ITFG2: variants seen among roughly 807,000 people sequenced by gnomAD.
ITFG2 encodes KICSTOR complex protein ITFG2.
A neutral mutation model predicts 54.4 loss-of-function variants in ITFG2; 36 were observed. The observed-to-expected ratio is 0.66, with a 90% CI of 0.51 to 0.87. ITFG2 has a LOEUF of 0.87. Among genes scored for constraint, ITFG2 ranks in the 40% least tolerant of loss-of-function variants. The pLI, the probability that ITFG2 is intolerant of heterozygous loss-of-function variation, is 0.00. For synonymous variants in ITFG2, 211 were observed against 225.4 expected, an observed-to-expected ratio of 0.94 and a Z score of 0.57; for missense variants, 524 against 576.7, an observed-to-expected ratio of 0.91 and a Z score of 0.94.
chr12:2,855,402 A>G, intron 2 of ITFG2: 1 of 410,754 alleles, frequency 2.4e-6, no homozygotes, highest in South Asian at 1.7e-5. Context: ...ACTCACGCTG[A>G]GCCCACGTTT....
intron 1 of ITFG2, among the ~76,000 whole-genome samples, chr12:2,814,541 A>G (rs147464844): frequency 2.2e-4 from 33 of 152,320 alleles, no homozygotes; most frequent in African/African-American, 7.7e-4. Flanking sequence ...AGAACAATGT[A>G]GGCACTGGCC....
At chr12:2,859,551 T>C in exon 4 of ITFG2, 3 of 1,614,104 alleles carry the variant, frequency 1.9e-6, no homozygotes, top group Non-Finnish European at 2.5e-6. Context: ...TTCTTCCTCC[T>C]TGATAGTCTG....
At chr12:2,820,617 GCCCTGC>G (rs1278493500) in intron 5 of ITFG2, 101 bp from the exon 6 acceptor site, 8 of 718,946 alleles carry the variant, frequency 1.1e-5, no homozygotes, top group South Asian at 1.7e-5. Flanking sequence ...CAGGACTGCT[GCCCTGC>G]CCCTGCCCCC....
intron 1 of ITFG2, among the ~76,000 whole-genome samples, chr12:2,815,258 T>G (rs1048227528): frequency 2.6e-5 from 4 of 152,260 alleles, no homozygotes; most frequent in African/African-American, 9.6e-5. Flanking sequence ...TTCAATGTAT[T>G]CTGGGAACAG....
chr12:2,822,947 C>T (rs905267142), intron 10 of ITFG2, 36 bp downstream of exon 10: 6 of 1,510,478 alleles, frequency 4.0e-6, no homozygotes, highest in Non-Finnish European at 5.5e-6. Flanking sequence ...TCTAACCACA[C>T]TTAAGTTAGA....
At chr12:2,834,977 AT>A, upstream of ITFG2, 3 of 1,577,776 alleles carry the variant, frequency 1.9e-6, no homozygotes, top group Non-Finnish European at 2.6e-6. Flanking sequence ...GGAAAAATAA[AT>A]AACATGCAGG....
In ITFG2 at chr12:2,847,663, CAAA is replaced by C. The variant is rs76285511; in HGVS notation, n.300+6683_300+6685del. 3.1e-3 allele frequency among the ~76,000 whole-genome samples: 258 copies of C among 83,104 alleles called. 2 individuals carry two copies. Among genetic ancestry groups the C allele is most frequent in the South Asian group, 8.2e-3 (25 of 3,052 alleles). 54.5% of individuals were successfully genotyped at this position (83,104 alleles called of 152,430 possible). A position where few individuals can be genotyped will look rare whatever the true frequency, so the allele number is the denominator to read the frequency against. On this transcript the variant is annotated intron_variant and non_coding_transcript_variant, in intron 2 of 3. Coordinates refer to the ITFG2 transcript ENST00000537710. ...ACCTGGGTGACAGAGTAAGACTGTC[CAAA>C]AAAAAAAAAAAAAAGCCCCCCAAAA...
rs914551389 is a variant in ITFG2, at chr12:2,837,637, CA to C, written n.146+691del. On this transcript the variant is annotated intron_variant and non_coding_transcript_variant, in intron 1 of 3. Transcript: ENST00000537710. ...GGGCAACAAGAGTGAAACTCCGTCT[CA>C]AAAAAAAAACCCAAAAAACAAAAAC... is the stretch of plus-strand genomic sequence containing the variant. 1.4e-4 allele frequency among the ~76,000 whole-genome samples: 20 copies of C among 145,848 alleles called. No individual in the cohort carries two copies. The South Asian group carries it at 1.5e-3, about 11-fold the overall frequency.
At chr12:2,823,702 T>C in intron 10 of ITFG2, 68 bp from the exon 11 acceptor site, 1 of 1,495,594 alleles carries the variant, frequency 6.7e-7, no homozygotes, top group South Asian at 1.4e-5. Flanking sequence ...GGTCTGTGTC[T>C]TGCTGTCTGC....
At chr12:2,850,271 C>G (rs1351941617) in intron 2 of ITFG2, among the ~76,000 whole-genome samples, 1 of 151,944 alleles carries the variant, frequency 6.6e-6, no homozygotes, top group African/African-American at 2.4e-5. Context: ...GTCAAGAGTT[C>G]GAGACCAGCC....
intron 2 of ITFG2, among the ~76,000 whole-genome samples, chr12:2,846,718 G>C (rs956807927): frequency 6.6e-6 from 1 of 151,718 alleles, no homozygotes; most frequent in African/African-American, 2.4e-5. Context: ...GGAGCACTCA[G>C]GAAACGCTCC....
chr12:2,843,610 C>A (rs2098046501), intron 2 of ITFG2, among the ~76,000 whole-genome samples: 1 of 151,984 alleles, frequency 6.6e-6, no homozygotes, highest in Admixed American at 6.6e-5. Context: ...GTCAGGAGTT[C>A]GAGACCAACC....
intron 2 of ITFG2, among the ~76,000 whole-genome samples, chr12:2,851,046 A>G (rs2098069234): frequency 7.5e-6 from 1 of 132,956 alleles, no homozygotes; most frequent in Admixed American, 8.1e-5. Context: ...ACGTGCCTGT[A>G]ATCCCAGCTA....
At chr12:2,853,699 C>G (rs1187692208) in intron 2 of ITFG2, among the ~76,000 whole-genome samples, 1 of 151,966 alleles carries the variant, frequency 6.6e-6, no homozygotes, top group Non-Finnish European at 1.5e-5. Flanking sequence ...TTGAGACATT[C>G]CTTTTCATTG....
At position 2,849,498 on chromosome 12, in the gene ITFG2, C is replaced by A. The variant is rs775138424; in HGVS notation, n.300+8503C>A. On this transcript the variant is annotated intron_variant and non_coding_transcript_variant, in intron 2 of 3. Coordinates refer to the ITFG2 transcript ENST00000537710. ...TGAGCTGGAGGCCCTGGGGTTCAAA[C>A]CTCCCACCAGCGGATATGTGCCGGT... 46 of 1,535,990 alleles carry A rather than the reference C, an allele frequency of 3.0e-5. 1 individual carries two copies. In the South Asian group the frequency reaches 5.1e-4, roughly 17 times the overall value.
exon 2 of ITFG2, chr12:2,840,994 A>C (rs1453887292): frequency 3.3e-5 from 5 of 152,670 alleles, no homozygotes; most frequent in African/African-American, 1.2e-4. Context: ...GGAAGAGTGC[A>C]GGTAAGACAG....
chr12:2,850,367 G>A (rs560147078), intron 2 of ITFG2, among the ~76,000 whole-genome samples: 18 of 151,630 alleles, frequency 1.2e-4, no homozygotes, highest in African/African-American at 3.1e-4. Context: ...CCAGCTACTC[G>A]GGAGGCTGAG....
upstream of ITFG2, chr12:2,835,145 G>A (rs1055136388): frequency 7.0e-6 from 10 of 1,431,630 alleles, no homozygotes; most frequent in South Asian, 3.0e-5. Context: ...CAGAGCGGGC[G>A]GTGGATGGGG....
At position 2,821,460 on chromosome 12, in the gene ITFG2, C is replaced by T. The variant is rs537829293; in HGVS notation, c.794-83C>T. On this transcript the variant is annotated intron_variant, in intron 7 of 11. Transcript: ENST00000228799. ...TCCCCTCATTTCGAGCCCTGTCCTT[C>T]CCCTGCTGCTGCAGAACACCCCTCT... 2.2e-5 allele frequency: 35 copies of T among 1,564,298 alleles called. No individual in the cohort carries two copies. In the East Asian group the frequency reaches 7.2e-4, roughly 32 times the overall value.
Sources: gnomAD v4.1 joint callset for allele counts (sites outside exome capture counted in the v4.1 genomes callset) on GRCh38, gnomAD v4.1.1 for gene constraint, MANE v1.5 for transcripts, NCBI Gene and HGNC (gene_info 2026-07-23, HGNC 2026-07-21) for gene names.